The following PJVK variants were observed in gnomAD, a reference collection of about 807,000 sequenced individuals.
PJVK encodes pejvakin, also known as autosomal recessive deafness type 59 protein.
In PJVK, 33 loss-of-function variants were observed where a neutral mutation model predicts 37.6. That is an observed-to-expected ratio of 0.88 (90% confidence interval 0.67 to 1.17). The LOEUF (loss-of-function observed/expected upper bound fraction) is 1.17. Ranked by LOEUF, PJVK falls within the 50% of genes most tolerant of loss-of-function variation. The pLI is 0.00. For missense variants in PJVK, 410 were observed against 413.8 expected (o/e 0.99, Z 0.08); for synonymous variants, 141 against 143.5 (o/e 0.98, Z 0.13).
chr2:178,454,959 A>G (rs1282246567), intron 3 of PJVK: 1 of 927,794 alleles, frequency 1.1e-6, no homozygotes, highest in Admixed American at 1.7e-5. Flanking sequence ...CCGCTGGACC[A>G]AGACCCTGTC....
intron 1 of PJVK, chr2:178,452,561 A>G (rs1697754171): frequency 3.0e-6 from 3 of 985,344 alleles, no homozygotes; most frequent in African/African-American, 1.7e-5. Flanking sequence ...AAAACATTTC[A>G]GCACTCAGGT....
Position 178,453,480 on chromosome 2 carries a change from G to A in PJVK, c.71G>A (p.Ser24Asn), listed in dbSNP as rs1697837066. ...GGAGGGAGATTAGTTCCTGTTCCAAGCCTCAGTGAAGCTGACAAATATCAA... is the reference window on the plus strand; with the variant it reads ...GGAGGGAGATTAGTTCCTGTTCCAAACCTCAGTGAAGCTGACAAATATCAA... Reference protein sequence around the residue: ...GDGGRLVPVPSLSEADKYQPL... With the variant: ...GDGGRLVPVPNLSEADKYQPL... The change falls in exon 2 of 7, where the codon AGC becomes AAC. Residue 24 changes from serine (S) to asparagine (N), a missense_variant. By Grantham distance (46) the Ser-to-Asn change is conservative. Transcript: ENST00000644580. The A allele has an allele frequency of 6.2e-7, 1 of 1,614,134 alleles. No homozygotes were observed. Among genetic ancestry groups the A allele is most frequent in the South Asian group, 1.1e-5 (1 of 91,078 alleles).
chr2:178,455,944 A>G, intron 3 of PJVK, 66 bp from the exon 4 acceptor site: 2 of 1,575,170 alleles, frequency 1.3e-6, no homozygotes, highest in Non-Finnish European at 1.7e-6. Context: ...ATGATAGCAA[A>G]AAATGTATTT....
intron 4 of PJVK, among the ~76,000 whole-genome samples, chr2:178,456,790 C>A (rs1308353163): frequency 1.3e-5 from 2 of 151,102 alleles, no homozygotes; most frequent in Admixed American, 6.6e-5. Context: ...AAAACAAAAA[C>A]CCCAACCAAA....
chr2:178,456,658 T>G (rs1342257221), intron 4 of PJVK, among the ~76,000 whole-genome samples: 1 of 151,988 alleles, frequency 6.6e-6, no homozygotes, highest in Non-Finnish European at 1.5e-5. Flanking sequence ...CCCAAGCCAC[T>G]CAGGAAGCTG....
At chr2:178,454,283 C>A (rs1391196604) in intron 2 of PJVK, 49 bp from the exon 3 acceptor site, 1 of 1,494,234 alleles carries the variant, frequency 6.7e-7, no homozygotes, top group South Asian at 1.2e-5. Context: ...TATATATAAT[C>A]TACATAAGAT....
chr2:178,453,348 G>A (rs369215803), intron 1 of PJVK, 40 bp from the exon 2 acceptor site: 1 of 1,561,582 alleles, frequency 6.4e-7, no homozygotes. Context: ...TTTTGTGCCT[G>A]ATTTTCCTCT....
At chr2:178,454,573 T>C in intron 3 of PJVK, 46 bp downstream of exon 3, 1 of 1,562,872 alleles carries the variant, frequency 6.4e-7, no homozygotes, top group Non-Finnish European at 8.7e-7. Context: ...CATTAAATAC[T>C]TTAGGTATAT....
rs777430955 is a variant in PJVK at position 178,454,550 on chromosome 2, A to C, written c.407+23A>C. On this transcript the variant is annotated intron_variant, in intron 3 of 6. Coordinates refer to ENST00000644580, the MANE Select transcript of PJVK (RefSeq NM_001042702.5). ...ACGGTCAGTATAATAATCCTAATAT[A>C]TTTCAGTGTTTTCATTAAATACTTT... The C allele has an allele frequency of 1.9e-6, 3 of 1,603,820 alleles. 1 individual carries two copies. In the South Asian group the frequency reaches 3.3e-5, roughly 18 times the overall value.
At chr2:178,459,034 A>G (rs1185249199) in intron 5 of PJVK, among the ~76,000 whole-genome samples, 1 of 152,178 alleles carries the variant, frequency 6.6e-6, no homozygotes, top group Non-Finnish European at 1.5e-5. Context: ...CAGGGCCTCT[A>G]AAGACAGCTT....
rs766202719 is a variant in PJVK at position 178,458,579 on chromosome 2, A to G, written c.619A>G (p.Ile207Val). 1.2e-6 allele frequency: 2 copies of G among 1,614,164 alleles called. No homozygotes were observed. The highest frequency in any genetic ancestry group is 2.2e-5 in the South Asian group (2 of 91,080). ...KAIVFPAHTTIAFSVFELFIY... is the reference protein window; with the variant it reads ...KAIVFPAHTTVAFSVFELFIY... Reference sequence around the variant, plus strand: ...TATTGTTTTCCCAGCACATACAACCATAGCTTTCAGTGTTTTTGAACTCTT... The same window carrying G: ...TATTGTTTTCCCAGCACATACAACCGTAGCTTTCAGTGTTTTTGAACTCTT... The change falls in exon 5 of 7, where the codon ATA becomes GTA. Residue 207 changes from isoleucine (I) to valine (V), a missense_variant. Physicochemically the swap from Ile to Val is conservative, Grantham distance 29. Transcript: ENST00000644580.
At chr2:178,453,688 A>G (rs966848492) in intron 2 of PJVK, 68 bp downstream of exon 2, 2 of 1,277,058 alleles carry the variant, frequency 1.6e-6, no homozygotes, top group African/African-American at 3.0e-5. Context: ...CATAGGTCAT[A>G]TATGCTACTT....
intron 3 of PJVK, chr2:178,455,360 C>T: frequency 7.7e-7 from 1 of 1,303,616 alleles, no homozygotes; most frequent in Non-Finnish European, 1.1e-6. Context: ...ACAGAAGAAA[C>T]AGGAGATTCT....
chr2:178,454,918 A>C (rs1178351647), intron 3 of PJVK: 1 of 906,720 alleles, frequency 1.1e-6, no homozygotes, highest in Non-Finnish European at 1.9e-6. Context: ...CTGAAGCCCA[A>C]CCTAGGCAAC....
chr2:178,454,354 G>A lies in PJVK; in HGVS notation c.234G>A (p.Leu78=), dbSNP rs2154125926. Residue 78 remains leucine, a synonymous_variant, in exon 3 of 7, where the codon CTG becomes CTA. Coordinates refer to ENST00000644580, the MANE Select transcript of PJVK (RefSeq NM_001042702.5). ...AAGGTATTTCATCTTATCAATTACT[G>A]AATTATGAAGATGAATCAGATGTTT... The part of the protein sequence containing the change: ...ISAGISSYQL[L]NYEDESDVSL... 1.2e-6 allele frequency: 2 copies of A among 1,613,112 alleles called. No homozygotes were observed. The highest frequency in any genetic ancestry group is 1.1e-5 in the South Asian group (1 of 90,862).
chr2:178,454,811 T>G, intron 3 of PJVK: 2 of 1,412,946 alleles, frequency 1.4e-6, no homozygotes, highest in Non-Finnish European at 2.0e-6. Context: ...ATGCAGAGAA[T>G]CATGAGGCCC....
At position 178,457,437 on chromosome 2, in the gene PJVK, G is replaced by A. The variant is rs183901934; in HGVS notation, c.550-1073G>A. Among the ~76,000 whole-genome samples the A allele has an allele frequency of 1.4e-3, 218 of 152,196 alleles. No homozygotes were observed. The East Asian group carries it at 0.016, about 11-fold the overall frequency. ...TCAAGACCAACTTGAGCAAAATAATGAGACCTTGTCTCTACAAAAAATAAA... is the reference window on the plus strand; with the variant it reads ...TCAAGACCAACTTGAGCAAAATAATAAGACCTTGTCTCTACAAAAAATAAA... On this transcript the variant is annotated intron_variant, in intron 4 of 6. Transcript: ENST00000644580.
At chr2:178,453,156 G>T (rs998717404) in intron 1 of PJVK, 10 of 454,312 alleles carry the variant, frequency 2.2e-5, no homozygotes, top group Non-Finnish European at 3.2e-5. Context: ...ATATTTTAGT[G>T]CTATAGCCTG....
chr2:178,456,320 AAAAC>A (rs768367831), intron 4 of PJVK, 169 bp downstream of exon 4: 678 of 821,388 alleles, frequency 8.3e-4, no homozygotes, highest in Non-Finnish European at 1.2e-3. Flanking sequence ...ATGAAAAAAA[AAAAC>A]AAATCTTGGG....
Sources: allele counts gnomAD v4.1 joint callset (sites outside exome capture counted in the v4.1 genomes callset), GRCh38; gene constraint gnomAD v4.1.1; transcripts MANE v1.5; gene names NCBI Gene and HGNC (gene_info 2026-07-23, HGNC 2026-07-21).